PPP1R9B: variants seen among roughly 807,000 people sequenced by gnomAD.
PPP1R9B encodes the protein neurabin-2.
In PPP1R9B, 17 loss-of-function variants were observed where a neutral mutation model predicts 75.8. The ratio of observed to expected loss-of-function variants is 0.22; its 90% CI spans 0.15 to 0.34. PPP1R9B has a LOEUF of 0.34. Among genes scored for constraint, PPP1R9B ranks in the 10% least tolerant of loss-of-function variants. PPP1R9B has a pLI of 1.00. For missense variants in PPP1R9B, 875 were observed against 1,196.0 expected (o/e 0.73, Z 3.96); for synonymous variants, 509 against 535.4 (o/e 0.95, Z 0.68).
chr17:50,150,548 C>T lies in PPP1R9B; in HGVS notation c.-35G>A. 1 of 1,274,816 alleles carries T rather than the reference C, an allele frequency of 7.8e-7. No individual in the cohort carries two copies. Among genetic ancestry groups the T allele is most frequent in the Non-Finnish European group, 9.9e-7 (1 of 1,010,004 alleles). The allele number at this position is 1,274,816 out of a possible 1,614,324, so 79.0% of individuals were successfully genotyped here. A position where few individuals can be genotyped will look rare whatever the true frequency, so the allele number is the denominator to read the frequency against. On this transcript the variant is annotated 5_prime_UTR_variant, in exon 1 of 10. Coordinates refer to ENST00000612501, the MANE Select transcript of PPP1R9B (RefSeq NM_032595.5). This position sits in a 1 kb window ranked among gnomAD's most constrained non-coding sequence, Gnocchi z 8.7. ...AGCCGGGTTCGCATGCCCCTGCTCC[C>T]CGCTCCCCCGCTTCAACAGGCGGCT... is the stretch of plus-strand genomic sequence containing the variant.
At position 50,139,600 on chromosome 17, in the gene PPP1R9B, G is replaced by A; in HGVS notation, c.1867-19C>T. On this transcript the variant is annotated intron_variant, in intron 5 of 9. Transcript: ENST00000612501. This position sits in a 1 kb window ranked among gnomAD's most constrained non-coding sequence, Gnocchi z 5.0. Reference sequence around the variant, plus strand: ...CTCCCGTCTGCGAAGGGAGACCGGAGACTGTGGGCCCACCCCACCCAGCTG... The same window carrying A: ...CTCCCGTCTGCGAAGGGAGACCGGAAACTGTGGGCCCACCCCACCCAGCTG... 1.3e-6 allele frequency: 2 copies of A among 1,528,588 alleles called. No individual in the cohort carries two copies. The highest frequency in any genetic ancestry group is 1.8e-6 in the Non-Finnish European group (2 of 1,137,270). 94.7% of individuals were successfully genotyped at this position (1,528,588 alleles called of 1,614,324 possible).
Position 50,139,987 on chromosome 17 carries a change from G to T in PPP1R9B, c.1866+106C>A. Reference sequence around the variant, plus strand: ...TGACTGGAGGACAGGGAATGGCACTGTGGGCTTTTTACTAGGGCAGGGGAA... The same window carrying T: ...TGACTGGAGGACAGGGAATGGCACTTTGGGCTTTTTACTAGGGCAGGGGAA... On this transcript the variant is annotated intron_variant, in intron 5 of 9. Coordinates refer to ENST00000612501, the MANE Select transcript of PPP1R9B (RefSeq NM_032595.5). The surrounding 1 kb of genome is among the most constrained non-coding windows in gnomAD (Gnocchi z 5.0). 7.9e-7 allele frequency: 1 copy of T among 1,271,848 alleles called. No individual in the cohort carries two copies. The highest frequency in any genetic ancestry group is 1.1e-6 in the Non-Finnish European group (1 of 923,084). The allele number at this position is 1,271,848 out of a possible 1,614,324, so 78.8% of individuals were successfully genotyped here. A position where few individuals can be genotyped will look rare whatever the true frequency, so the allele number is the denominator to read the frequency against.
At position 50,150,190 on chromosome 17, in the gene PPP1R9B, G is replaced by C; in HGVS notation, c.324C>G (p.Ser108Arg). ...ASSLNENVDH[S>R]ALLKLGTSVS... is the part of the protein sequence containing the mutation. Reference sequence around the variant, plus strand: ...CGCTGGTGCCCAGCTTCAGCAGGGCGCTGTGGTCCACGTTCTCGTTCAGGC... The same window carrying C: ...CGCTGGTGCCCAGCTTCAGCAGGGCCCTGTGGTCCACGTTCTCGTTCAGGC... The change falls in exon 1 of 10, where the codon AGC becomes AGG. Residue 108 changes from serine (S) to arginine (R), a missense_variant. Around this residue, in one of 4 missense-constraint regions of PPP1R9B, gnomAD observed 145 missense variants for 226.1 expected, o/e 0.64. Transcript: ENST00000612501. This position sits in a 1 kb window ranked among gnomAD's most constrained non-coding sequence, Gnocchi z 8.7. The C allele has an allele frequency of 1.4e-6, 2 of 1,461,010 alleles. No individual in the cohort carries two copies. Among genetic ancestry groups the C allele is most frequent in the East Asian group, 3.1e-5 (1 of 32,456 alleles). 90.5% of individuals were successfully genotyped at this position (1,461,010 alleles called of 1,614,324 possible).
chr17:50,141,191 G>A, intron 4 of PPP1R9B, 78 bp downstream of exon 4: 1 of 926,630 alleles, frequency 1.1e-6, no homozygotes, highest in Non-Finnish European at 1.7e-6. Flanking sequence ...ACCTTAACTG[G>A]CTGTTAAGGC....
Position 50,135,316 on chromosome 17 carries a change from A to T in PPP1R9B, c.*15T>A. ...GAGGGGGGTTAATTATTGTCCAGTC[A>T]TGGAATGATTCCTGTTAAGTAGAAT... is the stretch of plus-strand genomic sequence containing the variant. On this transcript the variant is annotated 3_prime_UTR_variant, in exon 10 of 10. Transcript: ENST00000612501. The T allele has an allele frequency of 6.2e-7, 1 of 1,607,906 alleles. No individual in the cohort carries two copies. The highest frequency in any genetic ancestry group is 8.5e-7 in the Non-Finnish European group (1 of 1,174,676).
At chr17:50,144,169 C>T (rs1912456064) in intron 2 of PPP1R9B, among the ~76,000 whole-genome samples, 1 of 152,120 alleles carries the variant, frequency 6.6e-6, no homozygotes, top group Admixed American at 6.5e-5. Context: ...CCACACCTGC[C>T]CCTGCCTGAC....
intron 3 of PPP1R9B, 111 bp from the exon 4 acceptor site, chr17:50,141,484 A>C: frequency 1.6e-6 from 1 of 609,202 alleles, no homozygotes. Flanking sequence ...CATAGTGAGA[A>C]CTCATCTCTA....
At chr17:50,140,320 C>T in intron 4 of PPP1R9B, 92 bp from the exon 5 acceptor site, 1 of 1,480,862 alleles carries the variant, frequency 6.8e-7, no homozygotes, top group South Asian at 1.3e-5. Flanking sequence ...AAACTCAGGC[C>T]CTCCCAGGGG....
chr17:50,138,332 G>C (rs1033688150), intron 7 of PPP1R9B, among the ~76,000 whole-genome samples: 2 of 152,192 alleles, frequency 1.3e-5, no homozygotes, highest in Non-Finnish European at 2.9e-5. Context: ...AGAGCAGATG[G>C]GTGCAGAGTG....
chr17:50,140,236 G>T lies in PPP1R9B; in HGVS notation c.1731-8C>A. ...TCCCGGCCAATCATAAACCTGCAGG[G>T]GCACCGGCATCATCCGCTGCCTCTG... is the stretch of plus-strand genomic sequence containing the variant. On this transcript the variant is annotated splice_region_variant and splice_polypyrimidine_tract_variant and intron_variant, in intron 4 of 9. Coordinates refer to ENST00000612501, the MANE Select transcript of PPP1R9B (RefSeq NM_032595.5). 1 of 1,588,046 alleles carries T rather than the reference G, an allele frequency of 6.3e-7. No individual in the cohort carries two copies. Among genetic ancestry groups the T allele is most frequent in the Non-Finnish European group, 8.6e-7 (1 of 1,167,576 alleles).
Sources: gnomAD v4.1 joint callset for allele counts (sites outside exome capture counted in the v4.1 genomes callset) on GRCh38, gnomAD v4.1.1 for gene constraint, gnomAD v4.1.1 regional missense constraint, Gnocchi (gnomAD v3.1) non-coding constraint, MANE v1.5 for transcripts, NCBI Gene and HGNC (gene_info 2026-07-23, HGNC 2026-07-21) for gene names.